The following ZNF804B variants were observed in gnomAD, a reference collection of about 807,000 sequenced individuals.
ZNF804B encodes the protein zinc finger 804B.
Under a neutral mutation model 101.4 loss-of-function variants are expected in ZNF804B, and 80 were observed. That is an observed-to-expected ratio of 0.79 (90% CI 0.66 to 0.95). The LOEUF is 0.95. Ranked by LOEUF, ZNF804B falls within the 40% of genes least tolerant of loss-of-function variation. The pLI is 0.00. For synonymous variants in ZNF804B, 622 were observed against 558.8 expected (o/e 1.11, Z -1.59); for missense variants, 1,673 against 1,561.9 (o/e 1.07, Z -1.20).
At chr7:88,882,281 G>A (rs550861592) in intron 1 of ZNF804B, among the ~76,000 whole-genome samples, 64 of 152,154 alleles carry the variant, frequency 4.2e-4, no homozygotes, top group African/African-American at 1.3e-3. Context: ...AATGCTCAAC[G>A]TCAGTAATCA....
At chr7:88,985,697 G>A (rs1244739353) in intron 1 of ZNF804B, among the ~76,000 whole-genome samples, 1 of 152,088 alleles carries the variant, frequency 6.6e-6, no homozygotes, top group Non-Finnish European at 1.5e-5. Flanking sequence ...GGAAAGATGT[G>A]AACCAACATA....
At chr7:89,263,913 G>A (rs914390217) in intron 2 of ZNF804B, among the ~76,000 whole-genome samples, 73 of 152,214 alleles carry the variant, frequency 4.8e-4, no homozygotes, top group African/African-American at 1.6e-3. Flanking sequence ...AATTTCTCTT[G>A]TTTCAATTAA....
chr7:89,012,307 C>T (rs1375091163), intron 1 of ZNF804B, among the ~76,000 whole-genome samples: 1 of 152,120 alleles, frequency 6.6e-6, no homozygotes, highest in Non-Finnish European at 1.5e-5. Flanking sequence ...TTCTGCCGTG[C>T]CACAGAGACA....
intron 1 of ZNF804B, among the ~76,000 whole-genome samples, chr7:89,049,692 A>G (rs1311683738): frequency 6.6e-6 from 1 of 152,108 alleles, no homozygotes; most frequent in African/African-American, 2.4e-5. Context: ...TGCTCTGGGT[A>G]TAACTTCCTT....
chr7:88,950,168 A>G (rs550279751), intron 1 of ZNF804B, among the ~76,000 whole-genome samples: 3 of 151,914 alleles, frequency 2.0e-5, no homozygotes, highest in Admixed American at 6.6e-5. Flanking sequence ...TTTTTCTCCA[A>G]TGAAAAGATT....
chr7:88,961,694 G>A (rs1323488721), intron 1 of ZNF804B, among the ~76,000 whole-genome samples: 1 of 151,306 alleles, frequency 6.6e-6, no homozygotes, highest in Non-Finnish European at 1.5e-5. Context: ...GAACTCAGTG[G>A]TTCATGATTA....
At chr7:88,885,522 C>A (rs1268110215) in intron 1 of ZNF804B, among the ~76,000 whole-genome samples, 1 of 150,392 alleles carries the variant, frequency 6.6e-6, no homozygotes, top group African/African-American at 2.4e-5. Context: ...TTATGTTTTC[C>A]CCTTGAATAG....
chr7:89,082,831 A>C (rs1048171566), intron 1 of ZNF804B, among the ~76,000 whole-genome samples: 1 of 151,812 alleles, frequency 6.6e-6, no homozygotes, highest in Non-Finnish European at 1.5e-5. Context: ...TAAAAATGGT[A>C]ATTCTTCTGG....
chr7:89,231,111 A>G (rs1459118083), intron 2 of ZNF804B, among the ~76,000 whole-genome samples: 1 of 151,900 alleles, frequency 6.6e-6, no homozygotes, highest in Non-Finnish European at 1.5e-5. Flanking sequence ...TCTAATTTTG[A>G]GTATTAATTT....
intron 1 of ZNF804B, among the ~76,000 whole-genome samples, chr7:89,039,645 A>C (rs1280544911): frequency 8.6e-6 from 1 of 116,880 alleles, no homozygotes; most frequent in Non-Finnish European, 1.9e-5. Flanking sequence ...TTTTCTCTTC[A>C]AGTGTCTTTT....
intron 1 of ZNF804B, among the ~76,000 whole-genome samples, chr7:88,869,612 A>G (rs1791784817): frequency 6.6e-6 from 1 of 152,156 alleles, no homozygotes; most frequent in Non-Finnish European, 1.5e-5. Context: ...ATATATCAAA[A>G]TTTGTACTTT....
chr7:89,231,643 TAC>T (rs947701006), intron 2 of ZNF804B, among the ~76,000 whole-genome samples: 3 of 152,072 alleles, frequency 2.0e-5, no homozygotes, highest in Non-Finnish European at 4.4e-5. Context: ...GTTTTTATTT[TAC>T]ACATTTTTTC....
Position 89,039,030 on chromosome 7 carries a change from A to AT in ZNF804B, c.109-179117dup, listed in dbSNP as rs199668794. Among the ~76,000 whole-genome samples, 725 of 151,506 alleles carry AT rather than the reference A, an allele frequency of 4.8e-3. 6 individuals are homozygous for AT. Among genetic ancestry groups the AT allele is most frequent in the African/African-American group, 0.016 (667 of 41,364 alleles). On this transcript the variant is annotated intron_variant, in intron 1 of 3. Coordinates refer to ENST00000333190, the MANE Select transcript of ZNF804B (RefSeq NM_181646.5). Reference sequence around the variant, plus strand: ...TTATTGGCCAGTATGGTGATTTTCTATTTTTTTTATTGCCAATATCACGAC... The same window carrying AT: ...TTATTGGCCAGTATGGTGATTTTCTATTTTTTTTTATTGCCAATATCACGAC...
chr7:88,825,496 CTG>C (rs1226387687), intron 1 of ZNF804B, among the ~76,000 whole-genome samples: 1 of 151,900 alleles, frequency 6.6e-6, no homozygotes, highest in African/African-American at 2.4e-5. Flanking sequence ...GCCTGCTACT[CTG>C]TCCCTGACTT....
chr7:88,858,762 C>A (rs2115851009), intron 1 of ZNF804B, among the ~76,000 whole-genome samples: 1 of 152,214 alleles, frequency 6.6e-6, no homozygotes, highest in Non-Finnish European at 1.5e-5. Flanking sequence ...CGTGGATAAA[C>A]ATAGTTATTT....
chr7:88,931,412 A>T (rs1233377812), intron 1 of ZNF804B, among the ~76,000 whole-genome samples: 1 of 151,936 alleles, frequency 6.6e-6, no homozygotes, highest in East Asian at 1.9e-4. Context: ...ACTAAAATGC[A>T]AAAGTTGCTT....
At chr7:89,251,835 G>T (rs1789545859) in intron 2 of ZNF804B, among the ~76,000 whole-genome samples, 1 of 152,094 alleles carries the variant, frequency 6.6e-6, no homozygotes, top group Non-Finnish European at 1.5e-5. Flanking sequence ...ATAAATGGTG[G>T]TGGGATACGT....
At chr7:89,005,431 T>G (rs1422184319) in intron 1 of ZNF804B, among the ~76,000 whole-genome samples, 1 of 152,092 alleles carries the variant, frequency 6.6e-6, no homozygotes, top group African/African-American at 2.4e-5. Flanking sequence ...AGAACATTTT[T>G]AATACTACTG....
intron 1 of ZNF804B, among the ~76,000 whole-genome samples, chr7:88,817,052 A>G (rs1214766236): frequency 2.0e-5 from 3 of 152,130 alleles, no homozygotes; most frequent in Non-Finnish European, 4.4e-5. Flanking sequence ...CTATGCAGCC[A>G]TAAAAAATGA....
Sources: allele counts gnomAD v4.1 joint callset (sites outside exome capture counted in the v4.1 genomes callset), GRCh38; gene constraint gnomAD v4.1.1; transcripts MANE v1.5; gene names NCBI Gene and HGNC (gene_info 2026-07-23, HGNC 2026-07-21).